COL4A2: variants seen among roughly 807,000 people sequenced by gnomAD.
COL4A2 encodes the protein collagen alpha-2(IV) chain.
Under a neutral mutation model 200.2 loss-of-function variants are expected in COL4A2, and 99 were observed. The observed-to-expected ratio is 0.49, with a 90% confidence interval of 0.42 to 0.58. The LOEUF is 0.58. Ranked by LOEUF, COL4A2 falls within the 20% of genes least tolerant of loss-of-function variation. COL4A2 has a pLI of 0.00. For missense variants in COL4A2, 1,950 were observed against 2,314.1 expected (o/e 0.84, Z 3.23); for synonymous variants, 897 against 900.6 (o/e 1.00, Z 0.07).
intron 24 of COL4A2, among the ~76,000 whole-genome samples, chr13:110,463,522 C>G (rs1270634179): frequency 6.6e-6 from 1 of 152,204 alleles, no homozygotes; most frequent in Non-Finnish European, 1.5e-5. Flanking sequence ...TTATTTGCCT[C>G]ATTCCATAAC....
intron 4 of COL4A2, among the ~76,000 whole-genome samples, chr13:110,394,932 A>G (rs1032286971): frequency 4.6e-5 from 7 of 152,228 alleles, no homozygotes; most frequent in Non-Finnish European, 5.9e-5. Flanking sequence ...AAAAGATCTG[A>G]TGGAATTAGC....
intron 36 of COL4A2, 31 bp downstream of exon 36, chr13:110,489,816 TCAA>T (rs1566563953): frequency 6.3e-7 from 1 of 1,591,594 alleles, no homozygotes; most frequent in Admixed American, 1.8e-5. Context: ...GTCTTCATCT[TCAA>T]CAACAGCCCT....
chr13:110,375,557 C>T (rs148103722), intron 4 of COL4A2, among the ~76,000 whole-genome samples: 30 of 152,260 alleles, frequency 2.0e-4, no homozygotes, highest in African/African-American at 7.0e-4. Flanking sequence ...AGAGCCGGTG[C>T]AGTGTCTCAT....
intron 3 of COL4A2, among the ~76,000 whole-genome samples, chr13:110,347,037 G>A (rs1370083507): frequency 2.0e-5 from 3 of 152,224 alleles, no homozygotes; most frequent in Non-Finnish European, 4.4e-5. Flanking sequence ...TGGTGAGAGG[G>A]CGCATCTCAG....
rs1883648051 is a variant in COL4A2, at chr13:110,501,690, C to G, written c.3783C>G (p.Ser1261Arg). Reference protein sequence around the residue: ...GAPGERGPPGSPGLQGFPGIT... With the variant: ...GAPGERGPPGRPGLQGFPGIT... The stretch of plus-strand genomic sequence containing the variant: ...AAGGGGAACGAGGCCCACCTGGGAG[C>G]CCAGGACTTCAGGGGTTCCCTGGTA... The change falls in exon 41 of 48, where the codon AGC (serine) becomes AGG (arginine). Residue 1261 changes from serine to arginine, a missense_variant. By Grantham distance (110) the Ser-to-Arg change is moderately radical. Transcript: ENST00000360467. 3 of 1,613,902 alleles carry G rather than the reference C, an allele frequency of 1.9e-6. No homozygotes were observed.
At chr13:110,439,879 C>T (rs1383904670) in intron 16 of COL4A2, 46 bp downstream of exon 16, 6 of 1,597,630 alleles carry the variant, frequency 3.8e-6, no homozygotes, top group South Asian at 1.1e-5. Context: ...CCCACGACAT[C>T]CCACAGAGGT....
At chr13:110,450,790 A>G (rs1005511805) in intron 20 of COL4A2, among the ~76,000 whole-genome samples, 2 of 152,220 alleles carry the variant, frequency 1.3e-5, no homozygotes, top group African/African-American at 4.8e-5. Flanking sequence ...GTGAGCTGAC[A>G]TTGCTGCCTC....
intron 3 of COL4A2, among the ~76,000 whole-genome samples, chr13:110,353,508 T>A (rs1877051976): frequency 6.6e-6 from 1 of 152,122 alleles, no homozygotes; most frequent in Non-Finnish European, 1.5e-5. Context: ...GTCCTCACAC[T>A]CCTCCTCTGA....
At chr13:110,496,895 G>A (rs1232305721) in intron 40 of COL4A2, among the ~76,000 whole-genome samples, 8 of 142,982 alleles carry the variant, frequency 5.6e-5, no homozygotes, top group South Asian at 4.6e-4. Context: ...TCAGTCAGGG[G>A]TGAGGATCTA....
intron 20 of COL4A2, among the ~76,000 whole-genome samples, chr13:110,452,586 G>A (rs879931790): frequency 3.0e-4 from 46 of 152,230 alleles, no homozygotes; most frequent in Admixed American, 1.8e-3. Flanking sequence ...ACTTCTCTGT[G>A]TCTGTTTTAT....
intron 12 of COL4A2, among the ~76,000 whole-genome samples, chr13:110,435,345 G>C (rs1880832805): frequency 6.6e-6 from 1 of 152,216 alleles, no homozygotes; most frequent in Non-Finnish European, 1.5e-5. Context: ...GAAATCATTG[G>C]TGGGAGAAGA....
intron 3 of COL4A2, among the ~76,000 whole-genome samples, chr13:110,348,363 T>C (rs1489386870): frequency 6.6e-6 from 1 of 152,228 alleles, no homozygotes; most frequent in Non-Finnish European, 1.5e-5. Flanking sequence ...ATTGGCTGGC[T>C]TTGCTGCCCG....
chr13:110,388,381 T>C (rs570794854), intron 4 of COL4A2, among the ~76,000 whole-genome samples: 2 of 152,230 alleles, frequency 1.3e-5, no homozygotes, highest in South Asian at 4.1e-4. Flanking sequence ...AAGGGAAGGT[T>C]TCTGGGACTC....
chr13:110,365,253 T>C (rs533085232), intron 4 of COL4A2, among the ~76,000 whole-genome samples: 1 of 152,176 alleles, frequency 6.6e-6, no homozygotes, highest in Non-Finnish European at 1.5e-5. Context: ...GTCATTCTCC[T>C]GCCTCAGCCT....
intron 7 of COL4A2, 98 bp from the exon 8 acceptor site, chr13:110,429,787 A>G (rs1464066011): frequency 5.7e-6 from 7 of 1,234,404 alleles, no homozygotes; most frequent in Non-Finnish European, 8.1e-6. Flanking sequence ...CCTTGCCCAC[A>G]AAAGTCAATG....
chr13:110,449,143 G>C (rs1881438124), intron 18 of COL4A2, among the ~76,000 whole-genome samples: 1 of 152,228 alleles, frequency 6.6e-6, no homozygotes, highest in African/African-American at 2.4e-5. Context: ...ATGATAAAAA[G>C]TCCTATTTTC....
chr13:110,452,277 C>T (rs976476978), intron 20 of COL4A2, among the ~76,000 whole-genome samples: 1 of 152,176 alleles, frequency 6.6e-6, no homozygotes, highest in Admixed American at 6.5e-5. Flanking sequence ...GGGACCCAGG[C>T]GCCCGCCACC....
intron 19 of COL4A2, among the ~76,000 whole-genome samples, 189 bp downstream of exon 19, chr13:110,449,978 G>A (rs1881476341): frequency 6.6e-6 from 1 of 152,168 alleles, no homozygotes; most frequent in Non-Finnish European, 1.5e-5. Context: ...TCGCACATAT[G>A]ACAGTAACTC....
chr13:110,385,524 ACAGTGCGTGGATAGGCCGTGGTTG>A (rs1878672108), intron 4 of COL4A2, among the ~76,000 whole-genome samples: 885 of 47,436 alleles, frequency 0.019, 11 homozygotes, highest in East Asian at 0.036. Context: ...GGCCGTGGTT[ACAGTGCGTGGATAGGCCGTGGTTG>A]CAGTGTGTGG....
Sources: gnomAD v4.1 joint callset for allele counts (sites outside exome capture counted in the v4.1 genomes callset) on GRCh38, gnomAD v4.1.1 for gene constraint, MANE v1.5 for transcripts, NCBI Gene and HGNC (gene_info 2026-07-23, HGNC 2026-07-21) for gene names.